TENM4: variants seen among roughly 807,000 people sequenced by gnomAD.
The protein encoded by TENM4 is teneurin transmembrane protein 4, also known as teneurin-4.
TENM4 carries 82 observed loss-of-function variants against 243.3 expected under a neutral mutation model. The ratio of observed to expected loss-of-function variants is 0.34; its 90% CI spans 0.28 to 0.40. The LOEUF (loss-of-function observed/expected upper bound fraction) is 0.40, where lower values mean the gene tolerates loss of function less well. Among genes scored for constraint, TENM4 ranks in the 10% least tolerant of loss-of-function variants. TENM4 has a pLI of 1.00. For missense variants in TENM4, 3,138 were observed against 3,673.3 expected, an observed-to-expected ratio of 0.85 and a Z score of 3.77; for synonymous variants, 1,412 against 1,456.3, an observed-to-expected ratio of 0.97 and a Z score of 0.69.
chr11:79,051,694 A>T (rs1859797333), intron 6 of TENM4, among the ~76,000 whole-genome samples: 1 of 152,196 alleles, frequency 6.6e-6, no homozygotes, highest in African/African-American at 2.4e-5. Context: ...TCAGGGGTAT[A>T]TGTGCCAGAT....
At chr11:78,793,058 G>A (rs1565381161) in intron 15 of TENM4, among the ~76,000 whole-genome samples, 1 of 152,214 alleles carries the variant, frequency 6.6e-6, no homozygotes, top group Non-Finnish European at 1.5e-5. Flanking sequence ...CGTCTCATTA[G>A]ATGTTAATCC....
intron 3 of TENM4, among the ~76,000 whole-genome samples, chr11:79,195,684 G>T (rs1824918603): frequency 6.6e-6 from 1 of 152,140 alleles, no homozygotes; most frequent in Non-Finnish European, 1.5e-5. Flanking sequence ...GAAGTAACTA[G>T]CTTGCTTTTG....
At chr11:78,995,211 C>T (rs1473913915) in intron 6 of TENM4, among the ~76,000 whole-genome samples, 1 of 152,172 alleles carries the variant, frequency 6.6e-6, no homozygotes, top group African/African-American at 2.4e-5. Flanking sequence ...CAGAGACACA[C>T]CGTACCGGCT....
intron 1 of TENM4, among the ~76,000 whole-genome samples, chr11:79,417,746 T>C (rs1227224556): frequency 6.6e-6 from 1 of 152,002 alleles, no homozygotes; most frequent in Non-Finnish European, 1.5e-5. Context: ...TGTGGCCTTC[T>C]TTCTTCCTGA....
At chr11:78,725,508 C>T (rs558851698) in intron 23 of TENM4, among the ~76,000 whole-genome samples, 1 of 152,324 alleles carries the variant, frequency 6.6e-6, no homozygotes, top group South Asian at 2.1e-4. Context: ...AATCTTCTTA[C>T]CCTGGGTTCC....
intron 12 of TENM4, among the ~76,000 whole-genome samples, chr11:78,853,582 C>T (rs947203927): frequency 3.3e-5 from 5 of 152,196 alleles, no homozygotes; most frequent in African/African-American, 1.2e-4. Flanking sequence ...CTCAACAAAA[C>T]CCCAGTCTGA....
rs1855994058 is a variant in TENM4, at chr11:78,744,161, A to C, written c.2757-5591T>G. Reference sequence around the variant, plus strand: ...AGAAGCCTCACTTCAGAGCCTGTTAAATTACTGCCACTGAAGGTGTTTCCA... The same window carrying C: ...AGAAGCCTCACTTCAGAGCCTGTTACATTACTGCCACTGAAGGTGTTTCCA... On this transcript the variant is annotated intron_variant, in intron 19 of 33. Coordinates refer to ENST00000278550, the MANE Select transcript of TENM4 (RefSeq NM_001098816.3). Among the ~76,000 whole-genome samples the C allele has an allele frequency of 4.6e-5, 7 of 152,340 alleles. No individual in the cohort carries two copies. The South Asian group carries it at 1.2e-3, about 27-fold the overall frequency.
chr11:79,103,028 A>G (rs747065020), intron 4 of TENM4, among the ~76,000 whole-genome samples: 1 of 152,156 alleles, frequency 6.6e-6, no homozygotes, highest in Non-Finnish European at 1.5e-5. Context: ...GACCCAGTAC[A>G]ACCTCCAGAT....
intron 1 of TENM4, among the ~76,000 whole-genome samples, chr11:79,422,733 C>T (rs1426999082): frequency 6.6e-6 from 1 of 152,184 alleles, no homozygotes; most frequent in Non-Finnish European, 1.5e-5. Context: ...GCAACCTTGG[C>T]TCCCTGGTAG....
At chr11:79,002,834 A>G (rs1858367775) in intron 6 of TENM4, among the ~76,000 whole-genome samples, 1 of 152,220 alleles carries the variant, frequency 6.6e-6, no homozygotes, top group Admixed American at 6.5e-5. Flanking sequence ...CAGAATTCAC[A>G]ATATGCATAG....
chr11:78,778,698 T>C (rs1342289009), intron 16 of TENM4, 70 bp from the exon 17 acceptor site: 11 of 1,411,464 alleles, frequency 7.8e-6, no homozygotes, highest in Middle Eastern at 1.8e-4. Context: ...CACATAACCA[T>C]GCCAGATGCT....
rs575099024 is a variant in TENM4, at chr11:79,070,156, TA to T, written c.-65-148del. On this transcript the variant is annotated intron_variant, in intron 4 of 33. Transcript: ENST00000278550. ...TACCGCTCCACCACTACGCAGCCCATAAGTGGCAAAGGAAAGTCGCACCCAG... is the reference window on the plus strand; with the variant it reads ...TACCGCTCCACCACTACGCAGCCCATAGTGGCAAAGGAAAGTCGCACCCAG... The T allele has an allele frequency of 1.6e-4, 165 of 1,056,986 alleles. 1 individual carries two copies. The African/African-American group carries it at 2.5e-3, about 16-fold the overall frequency. The allele number at this position is 1,056,986 out of a possible 1,614,324, so 65.5% of individuals were successfully genotyped here.
At position 79,042,393 on chromosome 11, in the gene TENM4, G is replaced by A. The variant is rs568564091; in HGVS notation, c.493+22345C>T. Among the ~76,000 whole-genome samples the A allele has an allele frequency of 1.0e-3, 154 of 152,216 alleles. 1 individual carries two copies. Among genetic ancestry groups the A allele is most frequent in the Non-Finnish European group, 2.0e-3 (133 of 68,048 alleles). On this transcript the variant is annotated intron_variant, in intron 6 of 33. Coordinates refer to ENST00000278550, the MANE Select transcript of TENM4 (RefSeq NM_001098816.3). ...ACCCCAAATGTGATGGTATTAAGGA[G>A]GTGGGGCCTTTGGGAGATGATTAGG...
chr11:79,008,474 T>A (rs1858550462), intron 6 of TENM4, among the ~76,000 whole-genome samples: 2 of 152,240 alleles, frequency 1.3e-5, no homozygotes, highest in Non-Finnish European at 2.9e-5. Context: ...CATTTTGTTA[T>A]ATATACACAT....
At chr11:79,336,881 G>A (rs1857156900) in intron 1 of TENM4, among the ~76,000 whole-genome samples, 1 of 152,178 alleles carries the variant, frequency 6.6e-6, no homozygotes, top group Non-Finnish European at 1.5e-5. Flanking sequence ...GACATTTACT[G>A]AATTGTGCCC....
At chr11:78,850,109 G>T (rs1305048927) in intron 12 of TENM4, among the ~76,000 whole-genome samples, 1 of 152,052 alleles carries the variant, frequency 6.6e-6, no homozygotes, top group East Asian at 1.9e-4. Context: ...TTCACTGGGA[G>T]CTCTGTCAAC....
intron 1 of TENM4, among the ~76,000 whole-genome samples, chr11:79,356,862 C>T (rs941441779): frequency 6.6e-5 from 10 of 152,092 alleles, no homozygotes; most frequent in African/African-American, 2.2e-4. Context: ...TCTCAGCAAT[C>T]GTTTCCACAC....
At chr11:79,346,511 C>T (rs954996715) in intron 1 of TENM4, among the ~76,000 whole-genome samples, 6 of 152,062 alleles carry the variant, frequency 3.9e-5, no homozygotes, top group Non-Finnish European at 8.8e-5. Flanking sequence ...GCTTCAACCC[C>T]CACCTCCCAC....
chr11:78,985,502 A>T (rs1276368808), intron 6 of TENM4, among the ~76,000 whole-genome samples: 1 of 152,140 alleles, frequency 6.6e-6, no homozygotes. Flanking sequence ...AGCCATTTTG[A>T]TATTCATTAC....
Sources: allele counts gnomAD v4.1 joint callset (sites outside exome capture counted in the v4.1 genomes callset), GRCh38; gene constraint gnomAD v4.1.1; transcripts MANE v1.5; gene names NCBI Gene and HGNC (gene_info 2026-07-23, HGNC 2026-07-21).